Variants in DGKE observed in about 807,000 individuals in gnomAD.
The protein encoded by DGKE is diacylglycerol kinase epsilon.
In DGKE, 53 loss-of-function variants were observed where a neutral mutation model predicts 70.0. The observed-to-expected ratio is 0.76, with a 90% CI of 0.61 to 0.95. DGKE has a LOEUF of 0.95. Among genes scored for constraint, DGKE ranks in the 40% least tolerant of loss-of-function variants. The pLI, the probability that DGKE is intolerant of heterozygous loss-of-function variation, is 0.00. For synonymous variants in DGKE, 291 were observed against 257.0 expected (o/e 1.13, Z -1.27); for missense variants, 655 against 706.9 (o/e 0.93, Z 0.83).
chr17:56,844,848 T>G (rs188762117), intron 3 of DGKE, among the ~76,000 whole-genome samples: 1 of 152,288 alleles, frequency 6.6e-6, no homozygotes, highest in Non-Finnish European at 1.5e-5. Context: ...GGAAACATCA[T>G]AAAAATTTAT....
chr17:56,834,637 G>T (rs916103058), intron 1 of DGKE, 141 bp from the exon 2 acceptor site: 3 of 791,436 alleles, frequency 3.8e-6, no homozygotes, highest in African/African-American at 3.4e-5. Flanking sequence ...CCCGGGAGAC[G>T]GGGGGACGAG....
intron 8 of DGKE, among the ~76,000 whole-genome samples, chr17:56,857,496 C>T (rs1200593538): frequency 6.6e-6 from 1 of 152,114 alleles, no homozygotes; most frequent in East Asian, 1.9e-4. Context: ...CAATTATATT[C>T]CTGGTTCTGT....
intron 2 of DGKE, among the ~76,000 whole-genome samples, chr17:56,839,309 T>G (rs189189202): frequency 2.0e-3 from 309 of 152,188 alleles, no homozygotes; most frequent in Admixed American, 4.9e-3. Context: ...TTTTTCAAAA[T>G]AAAAAGAAAA....
Position 56,845,763 on chromosome 17 carries a change from GAGA to G in DGKE, c.701_703del (p.Glu234del). The stretch of plus-strand genomic sequence containing the variant: ...AACTCTCGTAGTGGAACTAATATGG[GAGA>G]AGGACTGTTGGGAGAATTTAGGATC... On this transcript the variant is annotated inframe_deletion, in exon 4 of 12. Transcript: ENST00000284061. The G allele has an allele frequency of 6.2e-7, 1 of 1,612,172 alleles. No homozygotes were observed. The highest frequency in any genetic ancestry group is 8.5e-7 in the Non-Finnish European group (1 of 1,179,012).
rs991410261 is a variant in DGKE, at chr17:56,845,605, A to G, written c.625-85A>G. 17 of 1,379,768 alleles carry G rather than the reference A, an allele frequency of 1.2e-5. No individual in the cohort carries two copies. In the East Asian group the frequency reaches 3.0e-4, roughly 25 times the overall value. The allele number at this position is 1,379,768 out of a possible 1,614,324, so 85.5% of individuals were successfully genotyped here. Reference sequence around the variant, plus strand: ...AGTATAGTTTTTATTTCAGCAAATTATAGCACCATTGTTCTCAAGGCATGG... The same window carrying G: ...AGTATAGTTTTTATTTCAGCAAATTGTAGCACCATTGTTCTCAAGGCATGG... On this transcript the variant is annotated intron_variant, in intron 3 of 11. Transcript: ENST00000284061.
chr17:56,850,586 A>G (rs1455800801), intron 7 of DGKE, among the ~76,000 whole-genome samples: 2 of 152,232 alleles, frequency 1.3e-5, no homozygotes, highest in Non-Finnish European at 2.9e-5. Flanking sequence ...AGCAGACTTT[A>G]AAGAAGAGCA....
At position 56,856,550 on chromosome 17, in the gene DGKE, T is replaced by A; in HGVS notation, c.1137T>A (p.Asp379Glu). The A allele has an allele frequency of 6.2e-7, 1 of 1,613,946 alleles. No individual in the cohort carries two copies. The highest frequency in any genetic ancestry group is 1.1e-5 in the South Asian group (1 of 90,992). The stretch of plus-strand genomic sequence containing the variant: ...ACAACTATTTTTCTGTTGGACCTGA[T>A]GCTCTCATGGCTCTCAATTTTCATG... ...TMNNYFSVGP[D>E]ALMALNFHAH... Residue 379 changes from aspartate (D) to glutamate (E), a missense_variant, in exon 8 of 12, where the codon GAT becomes GAA. By Grantham distance (45) the Asp-to-Glu change is conservative. Transcript: ENST00000284061.
At chr17:56,836,561 C>A (rs979513755) in intron 2 of DGKE, 3 of 152,114 alleles carry the variant, frequency 2.0e-5, no homozygotes. Flanking sequence ...CATAAATAAC[C>A]GTATTTCAAA....
rs376574993 is a variant in DGKE, at chr17:56,862,805, T to A, written c.*14T>A. ...GCGACTGAATAGATGGATGAGGGAG[T>A]GAAAACTTTGCATAGAATCCTCACG... On this transcript the variant is annotated 3_prime_UTR_variant, in exon 12 of 12. Transcript: ENST00000284061. 2.4e-5 allele frequency: 36 copies of A among 1,518,976 alleles called. No individual in the cohort carries two copies. The African/African-American group carries it at 2.5e-4, about 11-fold the overall frequency. The allele number at this position is 1,518,976 out of a possible 1,614,324, so 94.1% of individuals were successfully genotyped here.
chr17:56,846,002 T>C, intron 4 of DGKE, 193 bp downstream of exon 4: 1 of 433,494 alleles, frequency 2.3e-6, no homozygotes, highest in Non-Finnish European at 3.8e-6. Context: ...TTAGAAGACA[T>C]CTTGGCAGTT....
At chr17:56,842,816 T>C (rs1161628701) in intron 2 of DGKE, among the ~76,000 whole-genome samples, 2 of 152,230 alleles carry the variant, frequency 1.3e-5, no homozygotes, top group Admixed American at 1.3e-4. Flanking sequence ...CAGATCTGCC[T>C]TATCTGTGAG....
Position 56,862,687 on chromosome 17 carries a change from A to G in DGKE, c.1600A>G (p.Ile534Val), listed in dbSNP as rs1198291682. 2 of 1,611,316 alleles carry G rather than the reference A, an allele frequency of 1.2e-6. No homozygotes were observed. The highest frequency in any genetic ancestry group is 2.2e-5 in the East Asian group (1 of 44,742). Residue 534 changes from isoleucine (I) to valine (V), a missense_variant, in exon 12 of 12, where the codon ATA (isoleucine) becomes GTA (valine). Physicochemically the swap from Ile to Val is conservative, Grantham distance 29 (BLOSUM62 3). Coordinates refer to ENST00000284061, the MANE Select transcript of DGKE (RefSeq NM_003647.3). ...GGCCCAAGGGCCCTGCACTGTCACC[A>G]TAACTCACAAGACACATGCAATGAT... The part of the protein sequence containing the change: ...PWAQGPCTVT[I>V]THKTHAMMLY...
rs1300986789 is a variant in DGKE, at chr17:56,834,778, G to T, written c.-18G>T. The T allele has an allele frequency of 1.9e-6, 3 of 1,583,092 alleles. No homozygotes were observed. The highest frequency in any genetic ancestry group is 2.6e-6 in the Non-Finnish European group (3 of 1,166,192). ...CACCGCCTGTTTCTTTTCTGGTTAG[G>T]TATCGTCCTTGGAGAAGATGGAAGC... On this transcript the variant is annotated splice_region_variant and 5_prime_UTR_variant, in exon 2 of 12. Coordinates refer to ENST00000284061, the MANE Select transcript of DGKE (RefSeq NM_003647.3).
Position 56,835,193 on chromosome 17 carries a change from C to A in DGKE, c.398C>A (p.Pro133His). Residue 133 changes from proline (P) to histidine (H), a missense_variant, in exon 2 of 12, where the codon CCC (proline) becomes CAC (histidine). Transcript: ENST00000284061. ...MPHHWIRGNV[P>H]LCSYCMVCKQ... ...CACCACTGGATCCGGGGCAACGTGC[C>A]CCTGTGCAGTTACTGTATGGTTTGC... The A allele has an allele frequency of 6.2e-7, 1 of 1,614,036 alleles. No individual in the cohort carries two copies. The highest frequency in any genetic ancestry group is 8.5e-7 in the Non-Finnish European group (1 of 1,180,034).
Position 56,852,412 on chromosome 17 carries a change from CA to C in DGKE, c.1098+3193del, listed in dbSNP as rs11422991. 5.6e-3 allele frequency among the ~76,000 whole-genome samples: 789 copies of C among 141,780 alleles called. 2 individuals are homozygous for C. Among genetic ancestry groups the C allele is most frequent in the African/African-American group, 0.019 (715 of 37,838 alleles). 93.0% of individuals were successfully genotyped at this position (141,780 alleles called of 152,430 possible). A position where few individuals can be genotyped will look rare whatever the true frequency, so the allele number is the denominator to read the frequency against. On this transcript the variant is annotated intron_variant, in intron 7 of 11. Transcript: ENST00000284061. ...TGGGCGACAGAGCAAGACTCTGTCT[CA>C]AAAAAAAAAAAATCAAGAAGTAATG...
chr17:56,853,262 TTCCTTTGCTGTGTAGAATC>T (rs1345194557), intron 7 of DGKE, among the ~76,000 whole-genome samples: 3 of 152,252 alleles, frequency 2.0e-5, no homozygotes, highest in Non-Finnish European at 4.4e-5. Flanking sequence ...CTCTATTGTT[TTCCTTTGCTGTGTAGAATC>T]TTTTTAGTGT....
rs116411081 is a variant in DGKE, at chr17:56,846,624, T to C, written c.744+815T>C. Reference sequence around the variant, plus strand: ...TTGAATATAATTTTACTTTGAAAAATTAACCAAAAAACAAAAAAATACAAA... The same window carrying C: ...TTGAATATAATTTTACTTTGAAAAACTAACCAAAAAACAAAAAAATACAAA... On this transcript the variant is annotated intron_variant, in intron 4 of 11. Transcript: ENST00000284061. Among the ~76,000 whole-genome samples the C allele has an allele frequency of 7.0e-3, 1,021 of 146,828 alleles. 16 individuals carry two copies. Among genetic ancestry groups the C allele is most frequent in the African/African-American group, 0.024 (972 of 39,738 alleles).
In DGKE at chr17:56,835,020, C is replaced by T. The variant is rs562198537; in HGVS notation, c.225C>T (p.Cys75=). The part of the protein sequence containing the change: ...TDLFSQPTYC[C]VCAQHILQGA... ...TGTTCAGCCAGCCCACCTACTGCTG[C>T]GTGTGCGCGCAGCACATTCTGCAGG... is the stretch of plus-strand genomic sequence containing the variant. The change falls in exon 2 of 12, where the codon TGC becomes TGT. Residue 75 remains cysteine, a synonymous_variant. Transcript: ENST00000284061. The T allele has an allele frequency of 1.2e-4, 197 of 1,612,782 alleles. 2 individuals carry two copies. The South Asian group carries it at 2.0e-3, about 16-fold the overall frequency.
At chr17:56,856,801 A>C (rs1316182732) in intron 8 of DGKE, 176 bp downstream of exon 8, 2 of 465,768 alleles carry the variant, frequency 4.3e-6, no homozygotes, top group Non-Finnish European at 5.6e-6. Context: ...TTAGATCTTT[A>C]AATGTGCTTT....
Sources: gnomAD v4.1 joint callset for allele counts (sites outside exome capture counted in the v4.1 genomes callset) on GRCh38, gnomAD v4.1.1 for gene constraint, MANE v1.5 for transcripts, NCBI Gene and HGNC (gene_info 2026-07-23, HGNC 2026-07-21) for gene names.